The following PRKDC variants were observed in gnomAD, a reference collection of about 807,000 sequenced individuals.
PRKDC encodes protein kinase, DNA-activated, catalytic subunit.
In PRKDC, 82 loss-of-function variants were observed where a neutral mutation model predicts 486.9. That is an observed-to-expected ratio of 0.17 (90% CI 0.14 to 0.20). The LOEUF (loss-of-function observed/expected upper bound fraction) is 0.20. Ranked by LOEUF, PRKDC falls within the 10% of genes least tolerant of loss-of-function variation. The pLI is 1.00. For missense variants in PRKDC, 4,504 were observed against 5,038.2 expected (o/e 0.89, Z 3.21); for synonymous variants, 1,895 against 1,837.0 (o/e 1.03, Z -0.81).
intron 13 of PRKDC, among the ~76,000 whole-genome samples, chr8:47,935,493 C>T (rs1464822786): frequency 6.6e-6 from 1 of 151,242 alleles, no homozygotes; most frequent in Non-Finnish European, 1.5e-5. Context: ...GAGCGAGACT[C>T]TTGTCACCAA....
intron 80 of PRKDC, among the ~76,000 whole-genome samples, chr8:47,780,752 A>G (rs892519511): frequency 2.6e-5 from 4 of 152,172 alleles, no homozygotes; most frequent in African/African-American, 9.7e-5. Context: ...ATCCTGGCCA[A>G]CATAGTGAAA....
Position 47,782,341 on chromosome 8 carries a change from G to A in PRKDC, c.11396+37C>T, listed in dbSNP as rs752466854. On this transcript the variant is annotated intron_variant, in intron 79 of 85. Transcript: ENST00000314191. The surrounding 1 kb of genome is among the most constrained non-coding windows in gnomAD (Gnocchi z 4.9). ...CAGTCCCGTGGACGCCAAGCAATATGCAGCAGCCTACTGGCTGGGAGCAGC... is the reference window on the plus strand; with the variant it reads ...CAGTCCCGTGGACGCCAAGCAATATACAGCAGCCTACTGGCTGGGAGCAGC... 1.4e-5 allele frequency: 23 copies of A among 1,609,408 alleles called. No homozygotes were observed. The highest frequency in any genetic ancestry group is 2.0e-5 in the Non-Finnish European group (23 of 1,177,266).
At position 47,782,054 on chromosome 8, in the gene PRKDC, G is replaced by A. The variant is rs1195161398; in HGVS notation, c.11489+108C>T. The stretch of plus-strand genomic sequence containing the variant: ...TTTATTGACCCAGCCAGCAGACTGC[G>A]GGGCAGGCAGTGTGGGCTCTCGAGC... On this transcript the variant is annotated intron_variant, in intron 80 of 85. Coordinates refer to ENST00000314191, the MANE Select transcript of PRKDC (RefSeq NM_006904.7). The surrounding 1 kb of genome is among the most constrained non-coding windows in gnomAD (Gnocchi z 4.9). 2.3e-5 allele frequency: 21 copies of A among 899,536 alleles called. No homozygotes were observed. The highest frequency in any genetic ancestry group is 3.3e-5 in the Non-Finnish European group (19 of 568,620). 55.7% of individuals were successfully genotyped at this position (899,536 alleles called of 1,614,324 possible).
intron 74 of PRKDC, among the ~76,000 whole-genome samples, chr8:47,792,416 G>A (rs2086897236): frequency 1.3e-5 from 2 of 151,996 alleles, no homozygotes; most frequent in South Asian, 4.2e-4. Context: ...CTGCCACCAT[G>A]CCCGGCTAAT....
chr8:47,854,739 C>A (rs1454763440), intron 50 of PRKDC, among the ~76,000 whole-genome samples: 1 of 152,218 alleles, frequency 6.6e-6, no homozygotes, highest in Non-Finnish European at 1.5e-5. Context: ...GAAATGCTTT[C>A]TTTTTCTTTT....
Position 47,914,069 on chromosome 8 carries a change from T to C in PRKDC, c.2618-5A>G, listed in dbSNP as rs1179795696. 6.8e-7 allele frequency: 1 copy of C among 1,460,686 alleles called. No individual in the cohort carries two copies. The highest frequency in any genetic ancestry group is 2.5e-5 in the Admixed American group (1 of 40,174). 90.5% of individuals were successfully genotyped at this position (1,460,686 alleles called of 1,614,324 possible). On this transcript the variant is annotated splice_region_variant and splice_polypyrimidine_tract_variant and intron_variant, in intron 23 of 85. Coordinates refer to ENST00000314191, the MANE Select transcript of PRKDC (RefSeq NM_006904.7). ...TCATCTCATCTGAGGACGTGACTGT[T>C]AGAAAAGATTTAAGAAGAATGAAAC...
intron 13 of PRKDC, 105 bp from the exon 14 acceptor site, chr8:47,935,163 C>T: frequency 1.3e-6 from 1 of 784,340 alleles, no homozygotes; most frequent in Non-Finnish European, 2.0e-6. Flanking sequence ...CCAACTTTAC[C>T]TCTCAATTTA....
intron 78 of PRKDC, among the ~76,000 whole-genome samples, chr8:47,783,533 T>G (rs1332743432): frequency 6.6e-6 from 1 of 151,262 alleles, no homozygotes; most frequent in African/African-American, 2.4e-5. Context: ...GAGGTTGCAG[T>G]GAGCCGAGAC....
intron 68 of PRKDC, among the ~76,000 whole-genome samples, chr8:47,812,749 A>G (rs573965549): frequency 6.6e-6 from 1 of 152,064 alleles, no homozygotes; most frequent in African/African-American, 2.4e-5. Flanking sequence ...ACTAGAAATC[A>G]ATTAAATAGA....
At chr8:47,865,154 G>A (rs1440012445) in intron 40 of PRKDC, among the ~76,000 whole-genome samples, 5 of 152,142 alleles carry the variant, frequency 3.3e-5, no homozygotes, top group Admixed American at 2.6e-4. Context: ...TTGGGAGGCC[G>A]AGGCTGGCAG....
chr8:47,881,663 A>G (rs1469589569), intron 37 of PRKDC, 143 bp from the exon 38 acceptor site: 1 of 620,872 alleles, frequency 1.6e-6, no homozygotes, highest in East Asian at 2.9e-5. Context: ...TCTTATTGTA[A>G]AACATTGTAA....
At position 47,929,839 on chromosome 8, in the gene PRKDC, CAAGA is replaced by C. The variant is rs752198037; in HGVS notation, c.2052+10_2052+13del. On this transcript the variant is annotated intron_variant, in intron 18 of 85. Transcript: ENST00000314191. ...AAAAAACGCAAGATTCAACATCCTG[CAAGA>C]AAGACTCACCTCGAAATATTTTATT... 188 of 1,587,518 alleles carry C rather than the reference CAAGA, an allele frequency of 1.2e-4. No individual in the cohort carries two copies. The highest frequency in any genetic ancestry group is 1.5e-4 in the Non-Finnish European group (177 of 1,172,794).
At chr8:47,880,898 T>C (rs1407140806) in intron 38 of PRKDC, among the ~76,000 whole-genome samples, 3 of 151,582 alleles carry the variant, frequency 2.0e-5, no homozygotes, top group Non-Finnish European at 4.4e-5. Flanking sequence ...AATAAAAACA[T>C]TAGCCAGGCC....
In PRKDC at chr8:47,912,502, T is replaced by C; in HGVS notation, c.2842A>G (p.Met948Val). ...GGGGCTCCCTGTCCCCCTTCTGGCATCTGCGTGGCTTTGCCCAACATAAAC... is the reference window on the plus strand; with the variant it reads ...GGGGCTCCCTGTCCCCCTTCTGGCACCTGCGTGGCTTTGCCCAACATAAAC... ...VMFMLGKATQ[M>V]PEGGQGAPPM... The change falls in exon 25 of 86, where the codon ATG (methionine) becomes GTG (valine). Residue 948 changes from methionine to valine, a missense_variant. Physicochemically the swap from Met to Val is conservative, Grantham distance 21. This residue lies in a region of PRKDC where 1,969 missense variants were observed against 2,068.9 expected (regional missense o/e 0.95). Transcript: ENST00000314191. 1 of 1,612,790 alleles carries C rather than the reference T, an allele frequency of 6.2e-7. No homozygotes were observed. Among genetic ancestry groups the C allele is most frequent in the Non-Finnish European group, 8.5e-7 (1 of 1,179,232 alleles).
At chr8:47,835,602 C>T (rs1258908569) in intron 58 of PRKDC, among the ~76,000 whole-genome samples, 3 of 105,018 alleles carry the variant, frequency 2.9e-5, no homozygotes, top group Admixed American at 1.6e-4. Flanking sequence ...AGCCTGGTGA[C>T]AGAGCAGGAC....
At chr8:47,920,360 CTATGTGTCTTTGCAAG>C (rs201853559) in intron 21 of PRKDC, among the ~76,000 whole-genome samples, 1,685 of 152,252 alleles carry the variant, frequency 0.011, 17 homozygotes, top group South Asian at 0.024. Context: ...ACTAAGCTCT[CTATGTGTCTTTGCAAG>C]TATGTGTCTA....
In PRKDC at chr8:47,880,579, A is replaced by G. The variant is rs941756996; in HGVS notation, c.5067+837T>C. Among the ~76,000 whole-genome samples, 3 of 152,308 alleles carry G rather than the reference A, an allele frequency of 2.0e-5. No individual in the cohort carries two copies. The South Asian group carries it at 6.2e-4, about 32-fold the overall frequency. On this transcript the variant is annotated intron_variant, in intron 38 of 85. Transcript: ENST00000314191. ...ATTGTTCTAGGACTTTAAAATTAGTAACCCTTAAAATGACAGTATTTATTA... is the reference window on the plus strand; with the variant it reads ...ATTGTTCTAGGACTTTAAAATTAGTGACCCTTAAAATGACAGTATTTATTA...
At chr8:47,924,376 T>C (rs2090121830) in intron 21 of PRKDC, among the ~76,000 whole-genome samples, 1 of 151,988 alleles carries the variant, frequency 6.6e-6, no homozygotes, top group Non-Finnish European at 1.5e-5. Flanking sequence ...CTGGTCAACA[T>C]AGTGAGACCC....
At chr8:47,817,210 C>A (rs1470490591) in intron 68 of PRKDC, among the ~76,000 whole-genome samples, 2 of 152,184 alleles carry the variant, frequency 1.3e-5, no homozygotes, top group African/African-American at 4.8e-5. Context: ...CCTGGAGGTG[C>A]AGGTTCAGGA....
Sources: gnomAD v4.1 joint callset for allele counts (sites outside exome capture counted in the v4.1 genomes callset) on GRCh38, gnomAD v4.1.1 for gene constraint, gnomAD v4.1.1 regional missense constraint, Gnocchi (gnomAD v3.1) non-coding constraint, MANE v1.5 for transcripts, NCBI Gene and HGNC (gene_info 2026-07-23, HGNC 2026-07-21) for gene names.